The following RARB variants were observed in gnomAD, a reference collection of about 807,000 sequenced individuals.
RARB encodes the protein retinoic acid receptor beta.
In RARB, 17 loss-of-function variants were observed where a neutral mutation model predicts 51.9. That is an observed-to-expected ratio of 0.33 (90% CI 0.22 to 0.49). The LOEUF (loss-of-function observed/expected upper bound fraction) is 0.49. Among genes scored for constraint, RARB ranks in the 20% least tolerant of loss-of-function variants. RARB has a pLI of 0.99. For synonymous variants in RARB, 215 were observed against 195.4 expected (o/e 1.10, Z -0.84); for missense variants, 369 against 550.8 (o/e 0.67, Z 3.30).
chr3:25,256,132 C>T (rs774306374), intron 5 of RARB, among the ~76,000 whole-genome samples: 3 of 152,120 alleles, frequency 2.0e-5, no homozygotes, highest in African/African-American at 4.8e-5. Context: ...CCCATTTAAA[C>T]AAGCTGTGTT....
chr3:24,969,010 T>G (rs750931886), intron 2 of RARB, among the ~76,000 whole-genome samples: 1 of 152,098 alleles, frequency 6.6e-6, no homozygotes, highest in Non-Finnish European at 1.5e-5. Context: ...GAGTAAGACT[T>G]TCTACAATCA....
At chr3:24,919,015 C>A (rs967769151) in intron 2 of RARB, among the ~76,000 whole-genome samples, 1 of 152,182 alleles carries the variant, frequency 6.6e-6, no homozygotes, top group Non-Finnish European at 1.5e-5. Context: ...TGTGTGACTT[C>A]TGGAAATTAC....
intron 2 of RARB, among the ~76,000 whole-genome samples, chr3:24,861,024 CATT>C (rs1276550056): frequency 6.6e-6 from 1 of 152,190 alleles, no homozygotes; most frequent in Non-Finnish European, 1.5e-5. Context: ...GTATCCCCAT[CATT>C]AAGGGATACA....
intron 2 of RARB, among the ~76,000 whole-genome samples, chr3:25,051,214 C>T (rs528916382): frequency 6.6e-6 from 1 of 152,042 alleles, no homozygotes; most frequent in Non-Finnish European, 1.5e-5. Context: ...GTTTAAATCA[C>T]CTGTCAAGGA....
intron 2 of RARB, among the ~76,000 whole-genome samples, chr3:25,493,049 C>T (rs1696823569): frequency 6.7e-6 from 1 of 148,988 alleles, no homozygotes; most frequent in Non-Finnish European, 1.5e-5. Context: ...ACTCAGCTTT[C>T]TTGTTTGGAG....
chr3:25,302,676 T>C (rs1445211202), intron 5 of RARB, among the ~76,000 whole-genome samples: 3 of 152,182 alleles, frequency 2.0e-5, no homozygotes, highest in Non-Finnish European at 4.4e-5. Flanking sequence ...CAAGATTAGA[T>C]AGTGGTGATA....
intron 2 of RARB, among the ~76,000 whole-genome samples, chr3:24,878,772 C>G (rs150093909): frequency 6.6e-6 from 1 of 152,078 alleles, no homozygotes; most frequent in African/African-American, 2.4e-5. Context: ...TCTGCAGATA[C>G]CATTTGTAGA....
At chr3:25,132,722 TTTTA>T (rs1699972708) in intron 4 of RARB, among the ~76,000 whole-genome samples, 1 of 151,926 alleles carries the variant, frequency 6.6e-6, no homozygotes, top group Non-Finnish European at 1.5e-5. Flanking sequence ...AAATAATGGC[TTTTA>T]AGTGTTCTCA....
At chr3:24,968,800 C>A (rs891970571) in intron 2 of RARB, among the ~76,000 whole-genome samples, 2 of 152,076 alleles carry the variant, frequency 1.3e-5, no homozygotes, top group Admixed American at 6.6e-5. Context: ...TGTGACTAAG[C>A]CCAGAGTCAG....
intron 5 of RARB, among the ~76,000 whole-genome samples, chr3:25,190,898 C>T (rs931696): frequency 0.47 from 71,873 of 151,946 alleles, 17,720 homozygotes; most frequent in East Asian, 0.7. Flanking sequence ...TCATCTGGTT[C>T]AGAAACTTGT....
At position 24,900,310 on chromosome 3, in the gene RARB, T is replaced by C. The variant is rs534759783; in HGVS notation, c.-380+41558T>C. ...GTAAAAAAAAATTAGGATAAACTATTACAGTTTGTGGAATGAAAGAGAGAG... is the reference window on the plus strand; with the variant it reads ...GTAAAAAAAAATTAGGATAAACTATCACAGTTTGTGGAATGAAAGAGAGAG... On this transcript the variant is annotated intron_variant, in intron 2 of 11. Coordinates refer to the RARB transcript ENST00000383772. 3.3e-5 allele frequency among the ~76,000 whole-genome samples: 5 copies of C among 152,344 alleles called. No homozygotes were observed. In the South Asian group the frequency reaches 1.0e-3, roughly 32 times the overall value.
intron 3 of RARB, among the ~76,000 whole-genome samples, chr3:25,072,603 A>C (rs1183112585): frequency 2.6e-5 from 4 of 152,202 alleles, no homozygotes; most frequent in African/African-American, 9.6e-5. Context: ...TACCATTTGG[A>C]GGCCACGGTC....
At chr3:24,891,726 C>T (rs1351559794) in intron 2 of RARB, among the ~76,000 whole-genome samples, 2 of 152,038 alleles carry the variant, frequency 1.3e-5, no homozygotes, top group African/African-American at 4.8e-5. Flanking sequence ...TATTTTATGG[C>T]CTGTCAGAAA....
intron 3 of RARB, among the ~76,000 whole-genome samples, chr3:25,127,801 A>C (rs924983642): frequency 1.3e-5 from 2 of 152,144 alleles, no homozygotes; most frequent in African/African-American, 4.8e-5. Flanking sequence ...GGAAGACAGC[A>C]ATAGAAATTA....
At chr3:25,457,808 A>G (rs908692655) in intron 1 of RARB, among the ~76,000 whole-genome samples, 1 of 152,152 alleles carries the variant, frequency 6.6e-6, no homozygotes, top group African/African-American at 2.4e-5. Context: ...CCAGAATTCT[A>G]TTTACAACTT....
chr3:25,253,377 A>G (rs531299972), intron 5 of RARB, among the ~76,000 whole-genome samples: 2 of 152,282 alleles, frequency 1.3e-5, no homozygotes, highest in African/African-American at 4.8e-5. Context: ...CATCTACTTT[A>G]CTTAACTTTA....
At chr3:25,176,727 C>T (rs1344006564) in intron 5 of RARB, among the ~76,000 whole-genome samples, 1 of 151,982 alleles carries the variant, frequency 6.6e-6, no homozygotes, top group Non-Finnish European at 1.5e-5. Context: ...AAATGCAGAG[C>T]ATATTAAATG....
intron 5 of RARB, among the ~76,000 whole-genome samples, chr3:25,265,290 T>C (rs1389734905): frequency 3.3e-5 from 5 of 152,182 alleles, no homozygotes; most frequent in African/African-American, 9.7e-5. Context: ...TGGAATGAGT[T>C]TATAAAAGTT....
chr3:25,286,141 T>G (rs560565772), intron 5 of RARB, among the ~76,000 whole-genome samples: 1 of 131,204 alleles, frequency 7.6e-6, no homozygotes, highest in Non-Finnish European at 1.5e-5. Context: ...AAGGCTGGAG[T>G]GCAGTGGCAT....
Sources: allele counts gnomAD v4.1 joint callset (sites outside exome capture counted in the v4.1 genomes callset), GRCh38; gene constraint gnomAD v4.1.1; transcripts MANE v1.5; gene names NCBI Gene and HGNC (gene_info 2026-07-23, HGNC 2026-07-21).